BRD4: variants seen among roughly 807,000 people sequenced by gnomAD.
BRD4 encodes bromodomain-containing protein 4.
A neutral mutation model predicts 142.1 loss-of-function variants in BRD4; 16 were observed. The ratio of observed to expected loss-of-function variants is 0.11; its 90% CI spans 0.08 to 0.17. BRD4 has a LOEUF of 0.17. BRD4 is among the 10% of genes least tolerant of loss of function. The probability of loss-of-function intolerance (pLI) is 1.00; values close to 1 mark genes in which losing one functional copy is unlikely to be tolerated. For missense variants in BRD4, 1,424 were observed against 1,810.9 expected (o/e 0.79, Z 3.88); for synonymous variants, 833 against 707.5 (o/e 1.18, Z -2.82).
intron 4 of BRD4, 141 bp downstream of exon 4, chr19:15,267,275 C>T: frequency 1.8e-6 from 2 of 1,133,744 alleles, no homozygotes; most frequent in Non-Finnish European, 1.3e-6. Flanking sequence ...AACACCAAAC[C>T]CAATCTCACA....
At chr19:15,261,913 T>G (rs756841648) in intron 7 of BRD4, among the ~76,000 whole-genome samples, 1 of 143,178 alleles carries the variant, frequency 7.0e-6, no homozygotes, top group African/African-American at 2.9e-5. Flanking sequence ...TAAAAAAAAG[T>G]AGAAATAAAA....
At chr19:15,276,603 T>C (rs1401050088) in intron 1 of BRD4, among the ~76,000 whole-genome samples, 1 of 151,922 alleles carries the variant, frequency 6.6e-6, no homozygotes, top group Admixed American at 6.5e-5. Context: ...AGGCTCATCT[T>C]TATTTCACTT....
At chr19:15,244,652 C>G in intron 12 of BRD4, 52 bp from the exon 13 acceptor site, 7 of 1,614,022 alleles carry the variant, frequency 4.3e-6, no homozygotes, top group Non-Finnish European at 5.9e-6. Flanking sequence ...GCAGGCAGAA[C>G]TGGCCCGGGC....
At chr19:15,330,948 G>A (rs951746444) in intron 1 of BRD4, among the ~76,000 whole-genome samples, 1 of 152,098 alleles carries the variant, frequency 6.6e-6, no homozygotes, top group Non-Finnish European at 1.5e-5. Context: ...GCCCCAAAGA[G>A]CCACTGGCTT....
In BRD4 at chr19:15,238,491, C is replaced by A. The variant is rs905566309; in HGVS notation, c.4021-46G>T. 2 of 1,612,562 alleles carry A rather than the reference C, an allele frequency of 1.2e-6. No individual in the cohort carries two copies. On this transcript the variant is annotated intron_variant, in intron 19 of 19. Transcript: ENST00000679869. The surrounding 1 kb of genome is among the most constrained non-coding windows in gnomAD (Gnocchi z 7.2). ...GGAGTCAGGAGGATGACCTAGCCAC[C>A]CTGCAGCTACAAGCCCTCATACCCG... is the stretch of plus-strand genomic sequence containing the variant.
At chr19:15,253,898 C>T in intron 11 of BRD4, 1 of 926,866 alleles carries the variant, frequency 1.1e-6, no homozygotes, top group Non-Finnish European at 1.6e-6. Context: ...CGCCCTTGGC[C>T]ATTCATCCTC....
intron 2 of BRD4, among the ~76,000 whole-genome samples, chr19:15,270,126 C>G (rs971027855): frequency 3.3e-5 from 5 of 152,282 alleles, no homozygotes; most frequent in Non-Finnish European, 4.4e-5. Context: ...GAACCAAATC[C>G]AAGTGGAGTC....
In BRD4 at chr19:15,319,416, G is replaced by A. The variant is rs72994027; in HGVS notation, c.-35+12874C>T. ...GAGGCCGATGCTACAGTGAATGACTGCACTCCAGCCTGGATGACAAAGTGA... is the reference window on the plus strand; with the variant it reads ...GAGGCCGATGCTACAGTGAATGACTACACTCCAGCCTGGATGACAAAGTGA... On this transcript the variant is annotated intron_variant, in intron 1 of 19. Transcript: ENST00000679869. 6.8e-3 allele frequency among the ~76,000 whole-genome samples: 1,039 copies of A among 152,206 alleles called. 4 individuals are homozygous for A. Among genetic ancestry groups the A allele is most frequent in the Non-Finnish European group, 0.011 (781 of 68,008 alleles).
At chr19:15,242,550 T>C (rs1335083833) in intron 14 of BRD4, among the ~76,000 whole-genome samples, 1 of 152,102 alleles carries the variant, frequency 6.6e-6, no homozygotes, top group East Asian at 1.9e-4. Context: ...CTGTCTGCGA[T>C]CACTGCCTCT....
At chr19:15,301,542 G>A (rs572715105) in intron 1 of BRD4, among the ~76,000 whole-genome samples, 130 of 146,390 alleles carry the variant, frequency 8.9e-4, no homozygotes, top group African/African-American at 3.2e-3. Context: ...CAGCCTGGGC[G>A]ACAGAGCAAG....
intron 1 of BRD4, among the ~76,000 whole-genome samples, chr19:15,326,555 A>G (rs1413630297): frequency 6.6e-6 from 1 of 152,236 alleles, no homozygotes; most frequent in African/African-American, 2.4e-5. Context: ...TCAGACAAAG[A>G]CAAATAACTG....
chr19:15,246,271 G>A (rs892150263), intron 11 of BRD4, among the ~76,000 whole-genome samples: 4 of 152,178 alleles, frequency 2.6e-5, no homozygotes, highest in African/African-American at 9.7e-5. Flanking sequence ...GAGTCTGACT[G>A]CTGTGGTGGT....
At chr19:15,270,820 C>T (rs369069104) in intron 2 of BRD4, among the ~76,000 whole-genome samples, 3 of 152,200 alleles carry the variant, frequency 2.0e-5, no homozygotes, top group East Asian at 3.8e-4. Context: ...TCCCCTTTGG[C>T]TCAGCCCCCA....
chr19:15,298,546 G>A (rs1206994626), intron 1 of BRD4, among the ~76,000 whole-genome samples: 3 of 144,294 alleles, frequency 2.1e-5, no homozygotes, highest in Admixed American at 7.2e-5. Context: ...ACTTGAACCC[G>A]GGGGGCAGCG....
At chr19:15,310,404 A>G (rs1428166560) in intron 1 of BRD4, among the ~76,000 whole-genome samples, 2 of 105,624 alleles carry the variant, frequency 1.9e-5, no homozygotes, top group Non-Finnish European at 1.8e-5. Context: ...TCTGTGGCCC[A>G]GGCTGGAGTG....
chr19:15,274,851 C>T (rs1158764208), intron 1 of BRD4, among the ~76,000 whole-genome samples: 1 of 151,714 alleles, frequency 6.6e-6, no homozygotes, highest in African/African-American at 2.4e-5. Context: ...GCCCTTGAGC[C>T]GAGGAAGCTG....
At chr19:15,254,054 C>T (rs539655056) in intron 11 of BRD4, 98 bp downstream of exon 11, 2 of 1,016,106 alleles carry the variant, frequency 2.0e-6, no homozygotes, top group East Asian at 2.4e-5. Context: ...TCTGGGAGTG[C>T]CGTCTCTGGG....
chr19:15,255,974 T>G lies in BRD4; in HGVS notation c.1751+90A>C, dbSNP rs1010165187. On this transcript the variant is annotated intron_variant, in intron 9 of 19. Transcript: ENST00000679869. Reference sequence around the variant, plus strand: ...GCAGAGGGGCAGCCTCCGCACCCAATGAGGACAGGGAGGGGCAGTGGCCCA... The same window carrying G: ...GCAGAGGGGCAGCCTCCGCACCCAAGGAGGACAGGGAGGGGCAGTGGCCCA... 9 of 1,534,340 alleles carry G rather than the reference T, an allele frequency of 5.9e-6. No individual in the cohort carries two copies. The East Asian group carries it at 1.8e-4, about 31-fold the overall frequency.
chr19:15,322,982 G>A lies in BRD4; in HGVS notation c.-35+9308C>T, dbSNP rs563523398. 8.6e-5 allele frequency among the ~76,000 whole-genome samples: 13 copies of A among 151,048 alleles called. 2 individuals carry two copies. Among genetic ancestry groups the A allele is most frequent in the African/African-American group, 3.2e-4 (13 of 41,136 alleles). ...GGAGAATGGCGTGGACCTGGGAGGT[G>A]GAGCTTTCAGTGAGCTGAAATCATA... On this transcript the variant is annotated intron_variant, in intron 1 of 19. Transcript: ENST00000679869.
Sources: allele counts gnomAD v4.1 joint callset (sites outside exome capture counted in the v4.1 genomes callset), GRCh38; gene constraint gnomAD v4.1.1; non-coding constraint Gnocchi (gnomAD v3.1); transcripts MANE v1.5; gene names NCBI Gene and HGNC (gene_info 2026-07-23, HGNC 2026-07-21).